Variants in PTPRR observed in about 807,000 individuals in gnomAD.
The protein encoded by PTPRR is protein tyrosine phosphatase receptor type R, also known as receptor-type tyrosine-protein phosphatase R.
In PTPRR, 38 loss-of-function variants were observed where a neutral mutation model predicts 77.2. The ratio of observed to expected loss-of-function variants is 0.49; its 90% CI spans 0.38 to 0.65. PTPRR has a LOEUF of 0.65. Among genes scored for constraint, PTPRR ranks in the 30% least tolerant of loss-of-function variants. PTPRR has a pLI of 0.00. For synonymous variants in PTPRR, 299 were observed against 283.1 expected (o/e 1.06, Z -0.57); for missense variants, 744 against 799.2 (o/e 0.93, Z 0.83).
At chr12:70,651,708 A>G (rs1267692519) in intron 13 of PTPRR, among the ~76,000 whole-genome samples, 5 of 152,298 alleles carry the variant, frequency 3.3e-5, no homozygotes, top group Middle Eastern at 3.4e-3. Flanking sequence ...TCAAAGAGAT[A>G]TGTTTTTGTC....
intron 1 of PTPRR, among the ~76,000 whole-genome samples, chr12:70,898,900 A>C (rs1467141237): frequency 6.6e-6 from 1 of 151,506 alleles, no homozygotes; most frequent in African/African-American, 2.4e-5. Flanking sequence ...GAGGGATATC[A>C]TTACGGACTT....
At chr12:70,791,215 T>C (rs988060763) in intron 2 of PTPRR, among the ~76,000 whole-genome samples, 10 of 152,202 alleles carry the variant, frequency 6.6e-5, no homozygotes, top group African/African-American at 2.4e-4. Flanking sequence ...ATCTCTCTAA[T>C]AGCACCTCCC....
chr12:70,706,938 T>C (rs1367657815), intron 6 of PTPRR, among the ~76,000 whole-genome samples: 1 of 152,064 alleles, frequency 6.6e-6, no homozygotes, highest in Non-Finnish European at 1.5e-5. Flanking sequence ...TGGGATATAA[T>C]AAACATATAT....
At chr12:70,899,279 A>G (rs1006593140) in intron 1 of PTPRR, among the ~76,000 whole-genome samples, 21 of 151,434 alleles carry the variant, frequency 1.4e-4, no homozygotes, top group Non-Finnish European at 3.1e-4. Context: ...AAAAAACACT[A>G]TAGACCAATA....
chr12:70,790,800 C>A (rs1891409061), intron 2 of PTPRR, among the ~76,000 whole-genome samples: 1 of 152,120 alleles, frequency 6.6e-6, no homozygotes, highest in Non-Finnish European at 1.5e-5. Flanking sequence ...CAAGATAGCA[C>A]CACCGCATTC....
intron 2 of PTPRR, among the ~76,000 whole-genome samples, chr12:70,807,684 T>G (rs1891734898): frequency 6.6e-6 from 1 of 152,180 alleles, no homozygotes; most frequent in Non-Finnish European, 1.5e-5. Context: ...CTTACGCCTG[T>G]CTTTACTGCA....
chr12:70,834,280 A>G (rs1892264635), intron 2 of PTPRR, among the ~76,000 whole-genome samples: 1 of 152,094 alleles, frequency 6.6e-6, no homozygotes, highest in Non-Finnish European at 1.5e-5. Flanking sequence ...CTTTTGCTCC[A>G]TATTTATGGT....
intron 6 of PTPRR, among the ~76,000 whole-genome samples, chr12:70,729,445 A>G (rs1889577935): frequency 1.3e-5 from 2 of 152,118 alleles, no homozygotes; most frequent in African/African-American, 4.8e-5. Context: ...TTCCATCTGG[A>G]AAGTCTGTTT....
intron 1 of PTPRR, among the ~76,000 whole-genome samples, chr12:70,916,955 T>G (rs1394397475): frequency 6.6e-6 from 1 of 152,214 alleles, no homozygotes; most frequent in Non-Finnish European, 1.5e-5. Context: ...TTCTGTATTT[T>G]GTTAGCAAAA....
intron 11 of PTPRR, among the ~76,000 whole-genome samples, chr12:70,661,905 T>G (rs1419294325): frequency 6.6e-6 from 1 of 152,230 alleles, no homozygotes; most frequent in African/African-American, 2.4e-5. Context: ...TCGAAATTTT[T>G]GGGTGATTAT....
intron 1 of PTPRR, among the ~76,000 whole-genome samples, chr12:70,910,122 T>C (rs1592829189): frequency 2.6e-5 from 4 of 152,256 alleles, no homozygotes; most frequent in Middle Eastern, 3.4e-3. Context: ...ATTGGTCTTA[T>C]ATTGCAGCTA....
intron 2 of PTPRR, among the ~76,000 whole-genome samples, chr12:70,784,047 C>T (rs11178417): frequency 0.058 from 8,151 of 140,610 alleles, 271 homozygotes; most frequent in Admixed American, 0.085. Context: ...GGTAAGAATG[C>T]AGGGATGCCT....
intron 2 of PTPRR, among the ~76,000 whole-genome samples, chr12:70,841,669 T>G (rs73332109): frequency 0.045 from 6,901 of 152,248 alleles, 515 homozygotes; most frequent in African/African-American, 0.16. Context: ...GAATAATACT[T>G]TTAAAAATAT....
At chr12:70,854,156 C>T (rs555207520) in intron 2 of PTPRR, among the ~76,000 whole-genome samples, 4 of 152,282 alleles carry the variant, frequency 2.6e-5, no homozygotes, top group Admixed American at 6.5e-5. Flanking sequence ...AACTTTCTCT[C>T]CCCTTTTCTT....
At chr12:70,727,376 A>C (rs1304367127) in intron 6 of PTPRR, among the ~76,000 whole-genome samples, 1 of 152,196 alleles carries the variant, frequency 6.6e-6, no homozygotes, top group African/African-American at 2.4e-5. Flanking sequence ...TTAATTATAA[A>C]GATAAGGTAA....
intron 2 of PTPRR, among the ~76,000 whole-genome samples, chr12:70,781,717 C>T (rs939219189): frequency 1.3e-5 from 2 of 152,076 alleles, no homozygotes; most frequent in Non-Finnish European, 2.9e-5. Flanking sequence ...AGGCAGAACA[C>T]GAAGACCAAT....
rs71437157 is a variant in PTPRR, at chr12:70,795,913, A to ATTTTTTTTTTTTTT, written c.358-31149_358-31136dup. On this transcript the variant is annotated intron_variant, in intron 2 of 13. Coordinates refer to ENST00000283228, the MANE Select transcript of PTPRR (RefSeq NM_002849.4). ...TATATGTTCAAAATGTATTTAGTAG[A>ATTTTTTTTTTTTTT]TTTTTTTTTTTTTTTTTTTTTTTTT... Among the ~76,000 whole-genome samples the ATTTTTTTTTTTTTT allele has an allele frequency of 3.3e-4, 29 of 88,390 alleles. 11 individuals are homozygous for ATTTTTTTTTTTTTT. The highest frequency in any genetic ancestry group is 4.2e-4 in the Non-Finnish European group (19 of 45,282). 58.0% of individuals were successfully genotyped at this position (88,390 alleles called of 152,430 possible).
At chr12:70,856,373 A>T (rs1226545003) in intron 2 of PTPRR, among the ~76,000 whole-genome samples, 1 of 152,172 alleles carries the variant, frequency 6.6e-6, no homozygotes, top group East Asian at 1.9e-4. Context: ...AGGCTGGCAG[A>T]TGCAGTGGCA....
intron 8 of PTPRR, among the ~76,000 whole-genome samples, chr12:70,694,576 C>T (rs914039433): frequency 1.1e-4 from 16 of 152,082 alleles, no homozygotes; most frequent in Admixed American, 4.6e-4. Flanking sequence ...ATTGCATGTT[C>T]TCACTTATAA....
Sources: gnomAD v4.1 joint callset for allele counts (sites outside exome capture counted in the v4.1 genomes callset) on GRCh38, gnomAD v4.1.1 for gene constraint, MANE v1.5 for transcripts, NCBI Gene and HGNC (gene_info 2026-07-23, HGNC 2026-07-21) for gene names.